The following SHISA6 variants were observed in gnomAD, a reference collection of about 807,000 sequenced individuals.
SHISA6 encodes shisa family member 6.
A neutral mutation model predicts 47.9 loss-of-function variants in SHISA6; 22 were observed. That is an observed-to-expected ratio of 0.46 (90% CI 0.33 to 0.66). The LOEUF (loss-of-function observed/expected upper bound fraction) is 0.66, where lower values mean the gene tolerates loss of function less well. Among genes scored for constraint, SHISA6 ranks in the 30% least tolerant of loss-of-function variants. The pLI, the probability that SHISA6 is intolerant of heterozygous loss-of-function variation, is 0.02. For synonymous variants in SHISA6, 388 were observed against 337.8 expected, an observed-to-expected ratio of 1.15 and a Z score of -1.63; for missense variants, 680 against 764.6, an observed-to-expected ratio of 0.89 and a Z score of 1.30.
At chr17:11,296,927 A>G (rs1909772384) in intron 2 of SHISA6, among the ~76,000 whole-genome samples, 1 of 152,142 alleles carries the variant, frequency 6.6e-6, no homozygotes, top group South Asian at 2.1e-4. Flanking sequence ...GGGCTAAATG[A>G]TTAGAGAACG....
At chr17:11,543,277 A>G (rs1231048435) in intron 3 of SHISA6, among the ~76,000 whole-genome samples, 1 of 152,132 alleles carries the variant, frequency 6.6e-6, no homozygotes, top group East Asian at 1.9e-4. Flanking sequence ...AGAGAGATGT[A>G]ATATATATGA....
At chr17:11,552,062 C>CTAA in intron 4 of SHISA6, 110 bp downstream of exon 4, 1 of 1,190,858 alleles carries the variant, frequency 8.4e-7, no homozygotes, top group Non-Finnish European at 1.2e-6. Context: ...CTCACTGAAG[C>CTAA]TAAGGAGGTC....
intron 2 of SHISA6, among the ~76,000 whole-genome samples, chr17:11,378,585 A>G (rs894639255): frequency 1.3e-5 from 2 of 152,184 alleles, no homozygotes; most frequent in African/African-American, 4.8e-5. Context: ...CCTGTATTTC[A>G]AGCGTACTGC....
At chr17:11,379,382 G>A (rs1462343881) in intron 2 of SHISA6, 32 bp from the exon 3 acceptor site, 4 of 1,460,864 alleles carry the variant, frequency 2.7e-6, no homozygotes, top group East Asian at 2.6e-5. Context: ...TGTCGTGGAT[G>A]CGCCAGGTAA....
intron 3 of SHISA6, among the ~76,000 whole-genome samples, chr17:11,433,523 AAC>A (rs1470724102): frequency 6.6e-6 from 1 of 152,058 alleles, no homozygotes; most frequent in African/African-American, 2.4e-5. Flanking sequence ...TGCTATTGTG[AAC>A]AGTGCCATAA....
chr17:11,555,394 G>T (rs2071968156), intron 4 of SHISA6, among the ~76,000 whole-genome samples: 1 of 152,172 alleles, frequency 6.6e-6, no homozygotes, highest in Non-Finnish European at 1.5e-5. Flanking sequence ...CTTTCACACA[G>T]AAGTAGATGA....
At chr17:11,349,233 A>G (rs970934212) in intron 2 of SHISA6, among the ~76,000 whole-genome samples, 9 of 152,182 alleles carry the variant, frequency 5.9e-5, no homozygotes, top group Admixed American at 5.2e-4. Context: ...TCTGCCCATC[A>G]TGGATCCACA....
intron 2 of SHISA6, among the ~76,000 whole-genome samples, chr17:11,322,218 C>G (rs567037317): frequency 6.6e-6 from 1 of 152,046 alleles, no homozygotes; most frequent in East Asian, 1.9e-4. Context: ...GTTCTAAGCC[C>G]CACTCTACAT....
At chr17:11,428,331 C>T (rs543008315) in intron 3 of SHISA6, among the ~76,000 whole-genome samples, 142 of 152,122 alleles carry the variant, frequency 9.3e-4, no homozygotes, top group Non-Finnish European at 1.3e-3. Context: ...TTTATAACGG[C>T]GAAGGCAGAG....
At chr17:11,367,809 A>G (rs973351466) in intron 2 of SHISA6, among the ~76,000 whole-genome samples, 1 of 152,200 alleles carries the variant, frequency 6.6e-6, no homozygotes, top group African/African-American at 2.4e-5. Flanking sequence ...ACAGTCTGCA[A>G]ATGAAATCAC....
intron 3 of SHISA6, among the ~76,000 whole-genome samples, chr17:11,394,075 T>C (rs1379908164): frequency 2.6e-5 from 4 of 152,246 alleles, no homozygotes; most frequent in Non-Finnish European, 5.9e-5. Context: ...TTGTATGCTG[T>C]CTTGCCTAAT....
intron 3 of SHISA6, among the ~76,000 whole-genome samples, chr17:11,412,986 T>C (rs190624352): frequency 2.6e-5 from 4 of 152,294 alleles, no homozygotes; most frequent in Non-Finnish European, 4.4e-5. Flanking sequence ...ATGAGGATCC[T>C]GCCAGAGATG....
chr17:11,554,376 C>T (rs1489959251), intron 4 of SHISA6, among the ~76,000 whole-genome samples: 1 of 152,098 alleles, frequency 6.6e-6, no homozygotes. Context: ...GCTCAGTCCC[C>T]AGTGTTGGGG....
At chr17:11,308,271 C>G (rs1910198307) in intron 2 of SHISA6, among the ~76,000 whole-genome samples, 1 of 152,204 alleles carries the variant, frequency 6.6e-6, no homozygotes, top group Non-Finnish European at 1.5e-5. Context: ...GGCAGAAATG[C>G]CAGGGTGGAG....
chr17:11,545,550 G>A (rs2071876376), intron 3 of SHISA6, among the ~76,000 whole-genome samples: 1 of 152,160 alleles, frequency 6.6e-6, no homozygotes, highest in African/African-American at 2.4e-5. Context: ...TGAGTACACA[G>A]GATCTTTCTG....
At chr17:11,248,105 A>C (rs752429420) in intron 1 of SHISA6, among the ~76,000 whole-genome samples, 2 of 151,992 alleles carry the variant, frequency 1.3e-5, no homozygotes, top group African/African-American at 2.4e-5. Context: ...TATTGTAGAG[A>C]GATAAGAGGC....
intron 3 of SHISA6, among the ~76,000 whole-genome samples, chr17:11,542,980 G>C (rs922068141): frequency 2.0e-5 from 3 of 152,074 alleles, no homozygotes; most frequent in Admixed American, 1.3e-4. Flanking sequence ...GCCTCTCCCA[G>C]AGCAGCTTGA....
intron 3 of SHISA6, among the ~76,000 whole-genome samples, chr17:11,398,023 C>CT (rs1226025289): frequency 1.3e-5 from 2 of 151,614 alleles, no homozygotes; most frequent in African/African-American, 4.8e-5. Context: ...TGTTTTAAAA[C>CT]TTTTTTTTCT....
intron 3 of SHISA6, among the ~76,000 whole-genome samples, chr17:11,521,426 G>T (rs1158695204): frequency 6.6e-6 from 1 of 151,198 alleles, no homozygotes; most frequent in East Asian, 1.9e-4. Context: ...GCTCATCTTA[G>T]GGTTGCTGGC....
Sources: gnomAD v4.1 joint callset for allele counts (sites outside exome capture counted in the v4.1 genomes callset) on GRCh38, gnomAD v4.1.1 for gene constraint, MANE v1.5 for transcripts, NCBI Gene and HGNC (gene_info 2026-07-23, HGNC 2026-07-21) for gene names.